Variants in PRUNE2 observed in about 807,000 individuals in gnomAD.
The protein encoded by PRUNE2 is prune homolog 2 with BCH domain.
Under a neutral mutation model 252.0 loss-of-function variants are expected in PRUNE2, and 164 were observed. The observed-to-expected ratio is 0.65, with a 90% CI of 0.57 to 0.74. The LOEUF (loss-of-function observed/expected upper bound fraction) is 0.74, where lower values mean the gene tolerates loss of function less well. PRUNE2 is among the 30% of genes least tolerant of loss of function. PRUNE2 has a pLI of 0.00. For synonymous variants in PRUNE2, 1,292 were observed against 1,350.2 expected (o/e 0.96, Z 0.94); for missense variants, 3,495 against 3,711.0 (o/e 0.94, Z 1.51).
intron 12 of PRUNE2, chr9:76,642,110 A>G (rs960680846): frequency 9.9e-5 from 71 of 715,184 alleles, no homozygotes; most frequent in Admixed American, 6.1e-4. Flanking sequence ...AGTTCAAAAA[A>G]AAAGCCAGTT....
intron 1 of PRUNE2, among the ~76,000 whole-genome samples, chr9:76,885,778 C>T (rs1171233736): frequency 6.6e-6 from 1 of 152,096 alleles, no homozygotes; most frequent in Non-Finnish European, 1.5e-5. Flanking sequence ...CCTCAGTTTC[C>T]CCATGTGCAA....
rs2058364444 is a variant in PRUNE2 at position 76,826,709 on chromosome 9, T to C, written c.532A>G (p.Thr178Ala). Residue 178 changes from threonine (T) to alanine (A), a missense_variant, in exon 5 of 19, where the codon ACC becomes GCC. Coordinates refer to ENST00000376718, the MANE Select transcript of PRUNE2 (RefSeq NM_015225.3). ...LRGSILFKWM[T>A]MESEKISEKQ... ...TCTGAGATCTTCTCTGATTCCATGG[T>C]CATCCACTTGAAAAGAATGCTACCT... 6.2e-7 allele frequency: 1 copy of C among 1,609,712 alleles called. No individual in the cohort carries two copies. The highest frequency in any genetic ancestry group is 1.3e-5 in the African/African-American group (1 of 74,876).
At chr9:76,869,074 C>T (rs930670716) in intron 1 of PRUNE2, 2 of 152,278 alleles carry the variant, frequency 1.3e-5, no homozygotes, top group East Asian at 1.9e-4. Flanking sequence ...AAGACGCGCT[C>T]GAAGACTTTT....
intron 18 of PRUNE2, among the ~76,000 whole-genome samples, 192 bp from the exon 19 acceptor site, chr9:76,614,792 T>C (rs1828654818): frequency 6.6e-6 from 1 of 152,218 alleles, no homozygotes; most frequent in African/African-American, 2.4e-5. Flanking sequence ...CTCCAACATA[T>C]GAAATCTGTT....
rs3048258 is a variant in PRUNE2 at position 76,681,450 on chromosome 9, T to TA, written c.8276+21886dup. On this transcript the variant is annotated intron_variant, in intron 9 of 18. Transcript: ENST00000376718. ...TATGTTATGTGTTTCTTACCACGAT[T>TA]AAAAAAAAAAAAAAAAAGCAGGTGC... is the stretch of plus-strand genomic sequence containing the variant. Among the ~76,000 whole-genome samples, 700 of 132,832 alleles carry TA rather than the reference T, an allele frequency of 5.3e-3. 6 individuals carry two copies. The highest frequency in any genetic ancestry group is 0.014 in the African/African-American group (496 of 35,964). 87.1% of individuals were successfully genotyped at this position (132,832 alleles called of 152,430 possible).
Position 76,773,474 on chromosome 9 carries a change from G to A in PRUNE2, c.756+50158C>T, listed in dbSNP as rs139021210. Among the ~76,000 whole-genome samples, 448 of 128,064 alleles carry A rather than the reference G, an allele frequency of 3.5e-3. 4 individuals are homozygous for A. Among genetic ancestry groups the A allele is most frequent in the African/African-American group, 0.013 (438 of 33,040 alleles). 84.0% of individuals were successfully genotyped at this position (128,064 alleles called of 152,430 possible). Reference sequence around the variant, plus strand: ...TTTTTTTTTTTTGAGACAGAGTCTCGCTCTTGTCGCCCAGGCTGGAGTGCA... The same window carrying A: ...TTTTTTTTTTTTGAGACAGAGTCTCACTCTTGTCGCCCAGGCTGGAGTGCA... On this transcript the variant is annotated intron_variant, in intron 6 of 18. Coordinates refer to ENST00000376718, the MANE Select transcript of PRUNE2 (RefSeq NM_015225.3).
chr9:76,873,238 C>A (rs1486156004), intron 1 of PRUNE2, among the ~76,000 whole-genome samples: 2 of 152,154 alleles, frequency 1.3e-5, no homozygotes, highest in African/African-American at 4.8e-5. Flanking sequence ...GTTATATCAG[C>A]CCTAGAAAAC....
At chr9:76,763,053 C>G (rs1219410290) in intron 6 of PRUNE2, among the ~76,000 whole-genome samples, 1 of 152,230 alleles carries the variant, frequency 6.6e-6, no homozygotes, top group Admixed American at 6.5e-5. Flanking sequence ...CGTGCACCAT[C>G]TCCCCTTCTA....
At chr9:76,784,425 G>A (rs151068932) in intron 6 of PRUNE2, 84 of 152,254 alleles carry the variant, frequency 5.5e-4, no homozygotes, top group African/African-American at 2.0e-3. Flanking sequence ...AGATAACCAC[G>A]GGGCAGAGGG....
At chr9:76,686,928 A>G (rs1054470324) in intron 9 of PRUNE2, among the ~76,000 whole-genome samples, 7 of 151,994 alleles carry the variant, frequency 4.6e-5, no homozygotes, top group Non-Finnish European at 8.8e-5. Flanking sequence ...TTTCATAGAG[A>G]TGGGGTCTCA....
chr9:76,805,005 T>C (rs1199807853), intron 6 of PRUNE2, among the ~76,000 whole-genome samples: 1 of 152,204 alleles, frequency 6.6e-6, no homozygotes, highest in East Asian at 1.9e-4. Flanking sequence ...TTCCTCACTC[T>C]TTGACTGGCT....
At chr9:76,629,041 GC>G (rs1836239292) in intron 16 of PRUNE2, 150 bp downstream of exon 16, 5 of 522,790 alleles carry the variant, frequency 9.6e-6, no homozygotes, top group Non-Finnish European at 1.7e-5. Flanking sequence ...ATGGGGTTTT[GC>G]TATGTTGTCC....
At position 76,677,714 on chromosome 9, in the gene PRUNE2, G is replaced by A. The variant is rs114023333; in HGVS notation, c.8277-22212C>T. Among the ~76,000 whole-genome samples, 597 of 152,036 alleles carry A rather than the reference G, an allele frequency of 3.9e-3. 5 individuals are homozygous for A. Among genetic ancestry groups the A allele is most frequent in the African/African-American group, 0.014 (573 of 41,460 alleles). On this transcript the variant is annotated intron_variant, in intron 9 of 18. Transcript: ENST00000376718. ...TTTATCTTTTCATTCCCACACAGTC[G>A]CTGCCTGTGGTTGAAAATTGAGTCA...
intron 4 of PRUNE2, among the ~76,000 whole-genome samples, chr9:76,839,655 C>T (rs542568525): frequency 1.3e-5 from 2 of 152,262 alleles, no homozygotes; most frequent in East Asian, 3.9e-4. Context: ...AATGGCCTGA[C>T]TTACAATTTA....
chr9:76,645,500 A>T (rs11144990), intron 11 of PRUNE2, among the ~76,000 whole-genome samples: 7,541 of 152,270 alleles, frequency 0.05, 243 homozygotes, highest in Non-Finnish European at 0.074. Context: ...CCACACCAAG[A>T]CTTTATAGTG....
At chr9:76,650,435 C>A (rs1846940506) in intron 11 of PRUNE2, among the ~76,000 whole-genome samples, 1 of 152,034 alleles carries the variant, frequency 6.6e-6, no homozygotes, top group Non-Finnish European at 1.5e-5. Context: ...AATGTACATT[C>A]CTGGTTCAAA....
In PRUNE2 at chr9:76,850,478, C is replaced by CT; in HGVS notation, c.328dup (p.Ser110LysfsTer7). 2 of 1,613,814 alleles carry CT rather than the reference C, an allele frequency of 1.2e-6. No individual in the cohort carries two copies. The highest frequency in any genetic ancestry group is 1.7e-6 in the Non-Finnish European group (2 of 1,179,654). On this transcript the variant is annotated frameshift_variant, in exon 3 of 19. Transcript: ENST00000376718. LOFTEE classifies it high-confidence loss of function. ...TGGATCTTACCTCGCCAGCACACTG[C>CT]TGCCAACAAGTGTTATCGATAACTT...
At chr9:76,619,584 T>C (rs1200995399) in intron 17 of PRUNE2, among the ~76,000 whole-genome samples, 197 bp from the exon 18 acceptor site, 1 of 152,238 alleles carries the variant, frequency 6.6e-6, no homozygotes, top group Non-Finnish European at 1.5e-5. Flanking sequence ...TTGCCCATGA[T>C]ATAAAAACAC....
intron 1 of PRUNE2, among the ~76,000 whole-genome samples, chr9:76,889,170 T>G (rs1224431127): frequency 6.6e-6 from 1 of 152,060 alleles, no homozygotes; most frequent in Non-Finnish European, 1.5e-5. Context: ...GTATTTATGG[T>G]CCTTCCTTGC....
Sources: gnomAD v4.1 joint callset for allele counts (sites outside exome capture counted in the v4.1 genomes callset) on GRCh38, gnomAD v4.1.1 for gene constraint, MANE v1.5 for transcripts, NCBI Gene and HGNC (gene_info 2026-07-23, HGNC 2026-07-21) for gene names.